The following EXOC4 variants were observed in gnomAD, a reference collection of about 807,000 sequenced individuals.
The protein encoded by EXOC4 is exocyst complex component 4.
EXOC4 carries 71 observed loss-of-function variants against 107.2 expected under a neutral mutation model. The ratio of observed to expected loss-of-function variants is 0.66; its 90% CI spans 0.55 to 0.81. The LOEUF (loss-of-function observed/expected upper bound fraction) is 0.81. EXOC4 is among the 30% of genes least tolerant of loss of function. EXOC4 has a pLI of 0.00. For missense variants in EXOC4, 1,108 were observed against 1,189.6 expected, an observed-to-expected ratio of 0.93 and a Z score of 1.01; for synonymous variants, 456 against 441.2, an observed-to-expected ratio of 1.03 and a Z score of -0.42.
chr7:133,369,058 C>T (rs4731948), intron 6 of EXOC4, among the ~76,000 whole-genome samples: 1 of 152,198 alleles, frequency 6.6e-6, no homozygotes, highest in African/African-American at 2.4e-5. Flanking sequence ...AATGATTTCA[C>T]TGGGGCATTG....
chr7:133,357,788 A>C (rs1796054037), intron 6 of EXOC4, among the ~76,000 whole-genome samples: 1 of 152,208 alleles, frequency 6.6e-6, no homozygotes, highest in African/African-American at 2.4e-5. Context: ...GATTTCAATT[A>C]TACTTTAACA....
chr7:133,288,770 T>C (rs1375487309), intron 2 of EXOC4, 152 bp from the exon 3 acceptor site: 3 of 587,670 alleles, frequency 5.1e-6, no homozygotes, highest in East Asian at 5.6e-5. Context: ...AGAACCAGGA[T>C]TAGAATTTTG....
intron 1 of EXOC4, among the ~76,000 whole-genome samples, chr7:133,267,244 C>T (rs1793751252): frequency 6.6e-6 from 1 of 152,122 alleles, no homozygotes; most frequent in South Asian, 2.1e-4. Flanking sequence ...GGTGCTCTTC[C>T]CCGAGTAGTT....
chr7:133,675,279 G>A (rs888312), intron 10 of EXOC4, among the ~76,000 whole-genome samples: 150,219 of 152,210 alleles, frequency 0.99, 74,167 homozygotes, highest in Middle Eastern at 1. Context: ...TACAAGCCAG[G>A]ACGTCTGTGT....
intron 7 of EXOC4, among the ~76,000 whole-genome samples, chr7:133,396,696 C>T (rs1034686285): frequency 1.3e-5 from 2 of 152,158 alleles, no homozygotes; most frequent in African/African-American, 2.4e-5. Context: ...GAACAGGCTT[C>T]CTCCTGGGAC....
chr7:133,981,780 C>A (rs182911105), intron 14 of EXOC4, among the ~76,000 whole-genome samples: 1 of 152,184 alleles, frequency 6.6e-6, no homozygotes, highest in East Asian at 1.9e-4. Context: ...AATAGTTCTA[C>A]TATAAAGACA....
chr7:133,569,568 C>T (rs1028101822), intron 9 of EXOC4, among the ~76,000 whole-genome samples: 1 of 151,998 alleles, frequency 6.6e-6, no homozygotes, highest in African/African-American at 2.4e-5. Context: ...TTCAGTGTTA[C>T]TGAGAGAGTA....
At chr7:133,967,767 A>G (rs1188493337) in intron 14 of EXOC4, among the ~76,000 whole-genome samples, 1 of 152,140 alleles carries the variant, frequency 6.6e-6, no homozygotes, top group Admixed American at 6.5e-5. Context: ...CAGTTTTTAG[A>G]ATAAGTGCAG....
Position 133,600,008 on chromosome 7 carries a change from C to G in EXOC4, c.1418-30037C>G, listed in dbSNP as rs1223761921. Among the ~76,000 whole-genome samples, 12 of 149,552 alleles carry G rather than the reference C, an allele frequency of 8.0e-5. No individual in the cohort carries two copies. The Admixed American group carries it at 8.1e-4, about 10-fold the overall frequency. On this transcript the variant is annotated intron_variant, in intron 9 of 17. Coordinates refer to ENST00000253861, the MANE Select transcript of EXOC4 (RefSeq NM_021807.4). ...CTAAACCTCCTTGGCTCAGGTAATC[C>G]TCCCACCTCAGCCTCCCAGGTAGCT...
At chr7:133,479,243 G>T (rs1433760838) in intron 8 of EXOC4, 1 of 151,474 alleles carries the variant, frequency 6.6e-6, no homozygotes, top group African/African-American at 2.4e-5. Flanking sequence ...AATTTTATCT[G>T]TTTTTTTTCT....
chr7:133,699,860 G>A (rs1040979663), intron 10 of EXOC4, among the ~76,000 whole-genome samples: 7 of 152,096 alleles, frequency 4.6e-5, no homozygotes, highest in African/African-American at 1.7e-4. Flanking sequence ...TTTATTGTTT[G>A]CAATAGAAAA....
At chr7:134,045,449 T>A (rs1795626926) in intron 17 of EXOC4, among the ~76,000 whole-genome samples, 1 of 152,186 alleles carries the variant, frequency 6.6e-6, no homozygotes, top group Non-Finnish European at 1.5e-5. Context: ...TCTGTCAGCT[T>A]ACAGAATCTT....
intron 7 of EXOC4, among the ~76,000 whole-genome samples, chr7:133,402,253 G>A (rs150406986): frequency 2.2e-4 from 33 of 152,298 alleles, no homozygotes; most frequent in African/African-American, 7.5e-4. Context: ...AAGTACCCAC[G>A]TGTACTGCTT....
intron 16 of EXOC4, 82 bp from the exon 17 acceptor site, chr7:134,007,594 G>T: frequency 7.5e-7 from 1 of 1,340,914 alleles, no homozygotes; most frequent in Non-Finnish European, 1.0e-6. Context: ...TTAGAAGACA[G>T]CAATTCTGTG....
At chr7:133,569,161 T>A (rs1477733052) in intron 9 of EXOC4, among the ~76,000 whole-genome samples, 1 of 145,842 alleles carries the variant, frequency 6.9e-6, no homozygotes, top group Non-Finnish European at 1.5e-5. Context: ...GATTTTTTTT[T>A]AAAAGGCCAG....
At chr7:133,507,440 C>T (rs1338483288) in intron 9 of EXOC4, among the ~76,000 whole-genome samples, 1 of 152,152 alleles carries the variant, frequency 6.6e-6, no homozygotes, top group Non-Finnish European at 1.5e-5. Context: ...AGCATCTGTA[C>T]TTTTCAGAAG....
chr7:133,354,782 A>G (rs1211997631), intron 5 of EXOC4, among the ~76,000 whole-genome samples: 1 of 152,212 alleles, frequency 6.6e-6, no homozygotes, highest in African/African-American at 2.4e-5. Context: ...TGTCTGCCAC[A>G]GTGCTAGGTA....
chr7:133,979,397 C>T (rs1793918887), intron 14 of EXOC4, among the ~76,000 whole-genome samples: 1 of 152,154 alleles, frequency 6.6e-6, no homozygotes, highest in Non-Finnish European at 1.5e-5. Flanking sequence ...GAAATAAATG[C>T]TGACTCCAGG....
chr7:133,915,303 G>A lies in EXOC4; in HGVS notation c.1872-2280G>A, dbSNP rs1156819421. Among the ~76,000 whole-genome samples the A allele has an allele frequency of 2.0e-5, 3 of 152,094 alleles. No individual in the cohort carries two copies. In the East Asian group the frequency reaches 5.8e-4, roughly 29 times the overall value. ...ACAGAGGATTAGGGAATATATAGTGGAAAGAGTAAAAATACAGGAAAAAGG... is the reference window on the plus strand; with the variant it reads ...ACAGAGGATTAGGGAATATATAGTGAAAAGAGTAAAAATACAGGAAAAAGG... On this transcript the variant is annotated intron_variant, in intron 12 of 17. Transcript: ENST00000253861.
Sources: allele counts gnomAD v4.1 joint callset (sites outside exome capture counted in the v4.1 genomes callset), GRCh38; gene constraint gnomAD v4.1.1; transcripts MANE v1.5; gene names NCBI Gene and HGNC (gene_info 2026-07-23, HGNC 2026-07-21).